The following TNIP3 variants were observed in gnomAD, a reference collection of about 807,000 sequenced individuals.
The protein encoded by TNIP3 is TNFAIP3-interacting protein 3.
TNIP3 carries 34 observed loss-of-function variants against 54.1 expected under a neutral mutation model. The ratio of observed to expected loss-of-function variants is 0.63; its 90% CI spans 0.48 to 0.84. The LOEUF is 0.84. TNIP3 is among the 40% of genes least tolerant of loss of function. The pLI, the probability that TNIP3 is intolerant of heterozygous loss-of-function variation, is 0.00. For synonymous variants in TNIP3, 134 were observed against 136.8 expected (o/e 0.98, Z 0.14); for missense variants, 366 against 387.6 (o/e 0.94, Z 0.47).
chr4:121,141,356 G>T (rs1183901526), intron 9 of TNIP3, among the ~76,000 whole-genome samples: 1 of 152,110 alleles, frequency 6.6e-6, no homozygotes, highest in Non-Finnish European at 1.5e-5. Flanking sequence ...CTTTTTCTTG[G>T]ATCCTTTAAG....
At chr4:121,150,760 G>T (rs1478727955) in intron 5 of TNIP3, among the ~76,000 whole-genome samples, 1 of 152,188 alleles carries the variant, frequency 6.6e-6, no homozygotes, top group Admixed American at 6.5e-5. Context: ...CAACAAGAGA[G>T]AGGGACATCC....
intron 6 of TNIP3, among the ~76,000 whole-genome samples, chr4:121,148,197 C>A (rs1301182327): frequency 6.6e-6 from 1 of 152,202 alleles, no homozygotes; most frequent in East Asian, 1.9e-4. Flanking sequence ...GGCCAAGATT[C>A]CAACTCAGTT....
chr4:121,133,813 T>C (rs769960182), intron 10 of TNIP3, among the ~76,000 whole-genome samples: 9 of 151,956 alleles, frequency 5.9e-5, no homozygotes, highest in Non-Finnish European at 1.3e-4. Context: ...ACAGGAAAAT[T>C]TGGACACAGA....
upstream of TNIP3, among the ~76,000 whole-genome samples, chr4:121,219,582 T>C (rs1465448921): frequency 6.6e-6 from 1 of 152,200 alleles, no homozygotes; most frequent in Non-Finnish European, 1.5e-5. Flanking sequence ...ACATTTCTGG[T>C]GACAGCTTTT....
At chr4:121,178,209 C>T (rs1311412508) in intron 3 of TNIP3, among the ~76,000 whole-genome samples, 1 of 152,198 alleles carries the variant, frequency 6.6e-6, no homozygotes, top group Non-Finnish European at 1.5e-5. Flanking sequence ...ATTAGCTGTA[C>T]AATCATGAGA....
chr4:121,140,215 T>C (rs1215086975), intron 9 of TNIP3, among the ~76,000 whole-genome samples: 2 of 152,092 alleles, frequency 1.3e-5, no homozygotes, highest in African/African-American at 4.8e-5. Flanking sequence ...GTGCCTGTAG[T>C]CCCAGCCAGT....
At chr4:121,208,777 T>C (rs905878985) in intron 2 of TNIP3, among the ~76,000 whole-genome samples, 6 of 152,222 alleles carry the variant, frequency 3.9e-5, no homozygotes, top group Non-Finnish European at 7.3e-5. Context: ...TGGAATTTCT[T>C]AAGCGATAAG....
intron 3 of TNIP3, among the ~76,000 whole-genome samples, chr4:121,171,949 T>G (rs1254911664): frequency 3.9e-5 from 6 of 152,102 alleles, no homozygotes; most frequent in Admixed American, 6.6e-5. Flanking sequence ...GTCAGGCTTG[T>G]CTTGAACTTC....
chr4:121,173,379 T>G (rs1724098557), intron 3 of TNIP3, among the ~76,000 whole-genome samples: 1 of 152,142 alleles, frequency 6.6e-6, no homozygotes, highest in South Asian at 2.1e-4. Flanking sequence ...AAAATAGAAA[T>G]TAGTGGTCAG....
intron 2 of TNIP3, chr4:121,192,731 G>A (rs534946417): frequency 6.6e-6 from 1 of 152,272 alleles, no homozygotes; most frequent in South Asian, 2.1e-4. Context: ...TAGAGAATTT[G>A]TAGTGTACAT....
Position 121,203,448 on chromosome 4 carries a change from T to G in TNIP3, c.68+12967A>C, listed in dbSNP as rs189667964. Among the ~76,000 whole-genome samples, 688 of 152,194 alleles carry G rather than the reference T, an allele frequency of 4.5e-3. 5 individuals are homozygous for G. Among genetic ancestry groups the G allele is most frequent in the African/African-American group, 0.016 (647 of 41,546 alleles). On this transcript the variant is annotated intron_variant, in intron 2 of 12. Transcript: ENST00000507879. ...ACTCAAATGCATGAGAATGATACAA[T>G]GGACTTTGGGGACTCAGGGGAAAGA...
chr4:121,165,435 C>T (rs188392028), upstream of TNIP3, among the ~76,000 whole-genome samples: 197 of 152,202 alleles, frequency 1.3e-3, no homozygotes, highest in African/African-American at 4.5e-3. Flanking sequence ...GTCAATGCCT[C>T]TCTTTCCTTC....
intron 2 of TNIP3, among the ~76,000 whole-genome samples, chr4:121,195,742 G>C (rs938643121): frequency 6.6e-6 from 1 of 152,098 alleles, no homozygotes; most frequent in Non-Finnish European, 1.5e-5. Context: ...CCTAAAACTG[G>C]GTAAGTTAGA....
chr4:121,132,063 T>C lies in TNIP3; in HGVS notation c.*568A>G, dbSNP rs2148789402. 1 of 152,470 alleles carries C rather than the reference T, an allele frequency of 6.6e-6. No individual in the cohort carries two copies. The highest frequency in any genetic ancestry group is 2.1e-4 in the South Asian group (1 of 4,832). The allele number at this position is 152,470 out of a possible 1,614,324, so 9.4% of individuals were successfully genotyped here. A position where few individuals can be genotyped will look rare whatever the true frequency, so the allele number is the denominator to read the frequency against. ...TATTCAGATTGAACCACTTATTTAATTTAATGAGGTATATACACCTCTTCA... is the reference window on the plus strand; with the variant it reads ...TATTCAGATTGAACCACTTATTTAACTTAATGAGGTATATACACCTCTTCA... On this transcript the variant is annotated 3_prime_UTR_variant, in exon 11 of 11. Coordinates refer to ENST00000057513, the MANE Select transcript of TNIP3 (RefSeq NM_024873.6).
At chr4:121,221,465 C>G (rs1021121281), upstream of TNIP3, among the ~76,000 whole-genome samples, 2 of 152,126 alleles carry the variant, frequency 1.3e-5, no homozygotes, top group Admixed American at 1.3e-4. Flanking sequence ...CAGATAATTT[C>G]TATGCAAAAT....
At chr4:121,211,219 C>A (rs1307560780) in intron 2 of TNIP3, among the ~76,000 whole-genome samples, 1 of 152,088 alleles carries the variant, frequency 6.6e-6, no homozygotes, top group Non-Finnish European at 1.5e-5. Context: ...TCCAATTTAA[C>A]TAACAGAGCA....
upstream of TNIP3, among the ~76,000 whole-genome samples, chr4:121,165,703 C>G (rs1291275715): frequency 1.3e-5 from 2 of 149,048 alleles, no homozygotes; most frequent in African/African-American, 5.0e-5. Flanking sequence ...TTACTTTCTT[C>G]TGGTTTCTTG....
At chr4:121,136,856 C>T (rs1008888355) in intron 10 of TNIP3, among the ~76,000 whole-genome samples, 1 of 92,152 alleles carries the variant, frequency 1.1e-5, no homozygotes, top group Non-Finnish European at 2.0e-5. Flanking sequence ...AGACTGTCTC[C>T]GAAAAAAAAA....
chr4:121,134,268 T>G (rs768741914), intron 10 of TNIP3, among the ~76,000 whole-genome samples: 1 of 152,190 alleles, frequency 6.6e-6, no homozygotes, highest in Non-Finnish European at 1.5e-5. Flanking sequence ...ATGAAAAATT[T>G]GGAATGTACA....
Sources: gnomAD v4.1 joint callset for allele counts (sites outside exome capture counted in the v4.1 genomes callset) on GRCh38, gnomAD v4.1.1 for gene constraint, MANE v1.5 for transcripts, NCBI Gene and HGNC (gene_info 2026-07-23, HGNC 2026-07-21) for gene names.